Variants in DCBLD2 observed in about 807,000 individuals in gnomAD.
DCBLD2 encodes discoidin, CUB and LCCL domain-containing protein 2.
DCBLD2 carries 54 observed loss-of-function variants against 86.8 expected under a neutral mutation model. The ratio of observed to expected loss-of-function variants is 0.62; its 90% CI spans 0.50 to 0.78. DCBLD2 has a LOEUF of 0.78. Ranked by LOEUF, DCBLD2 falls within the 30% of genes least tolerant of loss-of-function variation. The pLI, the probability that DCBLD2 is intolerant of heterozygous loss-of-function variation, is 0.00. For synonymous variants in DCBLD2, 354 were observed against 341.3 expected (o/e 1.04, Z -0.41); for missense variants, 908 against 954.2 (o/e 0.95, Z 0.64).
chr3:98,838,037 G>T (rs1576172959), intron 3 of DCBLD2, among the ~76,000 whole-genome samples: 2 of 115,050 alleles, frequency 1.7e-5, no homozygotes, highest in Non-Finnish European at 3.8e-5. Flanking sequence ...CGGCTGGCCG[G>T]GCGGGGGGCT....
At chr3:98,886,802 C>CA (rs1553734170) in intron 1 of DCBLD2, among the ~76,000 whole-genome samples, 1 of 128,476 alleles carries the variant, frequency 7.8e-6, no homozygotes, top group Non-Finnish European at 1.6e-5. Flanking sequence ...ACAGGAAAAC[C>CA]CCCCCCCTTT....
At position 98,799,311 on chromosome 3, in the gene DCBLD2, A is replaced by T; in HGVS notation, c.*61T>A. Reference sequence around the variant, plus strand: ...TACATTCTATATATTACTACCACTAATAATTAAAAAAAAAAGGCCATGTGC... The same window carrying T: ...TACATTCTATATATTACTACCACTATTAATTAAAAAAAAAAGGCCATGTGC... On this transcript the variant is annotated 3_prime_UTR_variant, in exon 16 of 16. Coordinates refer to ENST00000326840, the MANE Select transcript of DCBLD2 (RefSeq NM_080927.4). 7.4e-7 allele frequency: 1 copy of T among 1,346,242 alleles called. No homozygotes were observed. Among genetic ancestry groups the T allele is most frequent in the Non-Finnish European group, 9.6e-7 (1 of 1,038,018 alleles). 83.4% of individuals were successfully genotyped at this position (1,346,242 alleles called of 1,614,324 possible).
chr3:98,857,143 C>T (rs1487391680), intron 2 of DCBLD2, among the ~76,000 whole-genome samples: 3 of 151,834 alleles, frequency 2.0e-5, no homozygotes, highest in Non-Finnish European at 2.9e-5. Flanking sequence ...TGCAGACCTT[C>T]GTGGTGAGTG....
In DCBLD2 at chr3:98,876,101, T is replaced by C. The variant is rs144582421; in HGVS notation, c.433+5439A>G. Among the ~76,000 whole-genome samples the C allele has an allele frequency of 4.9e-3, 735 of 150,022 alleles. 1 individual carries two copies. Among genetic ancestry groups the C allele is most frequent in the Middle Eastern group, 0.017 (5 of 290 alleles). On this transcript the variant is annotated intron_variant, in intron 2 of 15. Transcript: ENST00000326840. ...TTTGCATGGTTGAAAAAAAGTAACATAAACAAAGTCAAAAGACAACTGACA... is the reference window on the plus strand; with the variant it reads ...TTTGCATGGTTGAAAAAAAGTAACACAAACAAAGTCAAAAGACAACTGACA...
At chr3:98,858,432 G>A (rs1942977976) in intron 2 of DCBLD2, among the ~76,000 whole-genome samples, 1 of 152,252 alleles carries the variant, frequency 6.6e-6, no homozygotes, top group African/African-American at 2.4e-5. Context: ...CCCAGGCAGA[G>A]GAGGTGCCGA....
chr3:98,887,404 A>G (rs1943582694), intron 1 of DCBLD2, among the ~76,000 whole-genome samples: 1 of 152,056 alleles, frequency 6.6e-6, no homozygotes, highest in Non-Finnish European at 1.5e-5. Flanking sequence ...GTGAATTTTT[A>G]GACCAGAAGT....
intron 3 of DCBLD2, among the ~76,000 whole-genome samples, chr3:98,839,221 TTCCTTCTC>T (rs1942574439): frequency 6.7e-6 from 1 of 150,302 alleles, no homozygotes; most frequent in African/African-American, 2.5e-5. Context: ...CTTTCCTTCT[TTCCTTCTC>T]TCTCTCTCTC....
At chr3:98,822,884 T>G (rs904501185) in intron 4 of DCBLD2, 143 bp from the exon 5 acceptor site, 43 of 673,428 alleles carry the variant, frequency 6.4e-5, no homozygotes, top group African/African-American at 1.9e-5. Flanking sequence ...ACCACTTCTT[T>G]TTTTTGACAC....
At chr3:98,885,765 G>C (rs1272949768) in intron 1 of DCBLD2, among the ~76,000 whole-genome samples, 3 of 151,842 alleles carry the variant, frequency 2.0e-5, no homozygotes. Flanking sequence ...AATACACTTA[G>C]AGCAGTGATT....
rs772607916 is a variant in DCBLD2, at chr3:98,799,538, C to T, written c.2162G>A (p.Arg721Lys). 1.1e-5 allele frequency: 17 copies of T among 1,613,838 alleles called. No homozygotes were observed. Among genetic ancestry groups the T allele is most frequent in the South Asian group, 2.2e-5 (2 of 91,080 alleles). The change falls in exon 16 of 16, where the codon AGG (arginine) becomes AAG (lysine). Residue 721 changes from arginine to lysine, a missense_variant. This residue lies in a region of DCBLD2 where 606 missense variants were observed against 678.5 expected (regional missense o/e 0.89). Transcript: ENST00000326840. ...CTGGGCTGAGGAGCAGCTGTCAGTC[C>T]TGGAGAGAAGTGTATTGTAAGTTCC... ...LVGTYNTLLSRTDSCSSAQAQ... is the reference protein window; with the variant it reads ...LVGTYNTLLSKTDSCSSAQAQ...
intron 2 of DCBLD2, among the ~76,000 whole-genome samples, chr3:98,865,150 AT>A (rs2107504332): frequency 6.6e-6 from 1 of 152,326 alleles, no homozygotes; most frequent in African/African-American, 2.4e-5. Context: ...TGTTGAAAAG[AT>A]ACCTACACTC....
chr3:98,824,505 T>C (rs1345971836), intron 4 of DCBLD2, among the ~76,000 whole-genome samples: 1 of 152,084 alleles, frequency 6.6e-6, no homozygotes, highest in East Asian at 1.9e-4. Context: ...AGAACCATTC[T>C]TGAAGACAAA....
intron 3 of DCBLD2, among the ~76,000 whole-genome samples, chr3:98,839,175 TCTTTCTTC>T (rs368628245): frequency 0.52 from 52,293 of 101,412 alleles, 9,635 homozygotes; most frequent in Middle Eastern, 0.59. Flanking sequence ...TTCTTTCCTT[TCTTTCTTC>T]CTTCCTTCCT....
intron 2 of DCBLD2, among the ~76,000 whole-genome samples, chr3:98,869,373 T>C (rs142767691): frequency 1.4e-4 from 22 of 152,336 alleles, no homozygotes; most frequent in African/African-American, 5.3e-4. Context: ...AGTTTACAAA[T>C]ATTTTCTCCC....
intron 1 of DCBLD2, among the ~76,000 whole-genome samples, chr3:98,894,854 T>C (rs1032662928): frequency 6.6e-6 from 1 of 152,036 alleles, no homozygotes; most frequent in African/African-American, 2.4e-5. Flanking sequence ...TGATAAGTAT[T>C]AGAAATAAGA....
At chr3:98,814,424 C>G (rs568510661) in intron 9 of DCBLD2, 2 of 152,110 alleles carry the variant, frequency 1.3e-5, no homozygotes, top group Non-Finnish European at 2.9e-5. Flanking sequence ...AAAAGATTTG[C>G]TATAGTCAAC....
At chr3:98,828,785 A>G (rs1158092980) in intron 3 of DCBLD2, among the ~76,000 whole-genome samples, 1 of 152,182 alleles carries the variant, frequency 6.6e-6, no homozygotes, top group Non-Finnish European at 1.5e-5. Context: ...TGGATAGATA[A>G]ACAAAATGGG....
intron 2 of DCBLD2, among the ~76,000 whole-genome samples, chr3:98,878,556 T>C (rs902718129): frequency 9.9e-5 from 15 of 152,234 alleles, no homozygotes; most frequent in Admixed American, 4.6e-4. Flanking sequence ...AATGTATTTG[T>C]TTCTATCCTG....
intron 6 of DCBLD2, among the ~76,000 whole-genome samples, chr3:98,821,493 G>A (rs542241124): frequency 1.7e-4 from 26 of 152,280 alleles, no homozygotes; most frequent in African/African-American, 6.0e-4. Flanking sequence ...TAATGCTTAT[G>A]ATGTAACACT....
Sources: allele counts gnomAD v4.1 joint callset (sites outside exome capture counted in the v4.1 genomes callset), GRCh38; gene constraint gnomAD v4.1.1; regional missense constraint gnomAD v4.1.1; transcripts MANE v1.5; gene names NCBI Gene and HGNC (gene_info 2026-07-23, HGNC 2026-07-21).